The following EFCAB6 variants were observed in gnomAD, a reference collection of about 807,000 sequenced individuals.
EFCAB6 encodes EF-hand calcium binding domain 6, also known as EF-hand calcium-binding domain-containing protein 6.
EFCAB6 carries 156 observed loss-of-function variants against 169.8 expected under a neutral mutation model. The observed-to-expected ratio is 0.92, with a 90% CI of 0.81 to 1.05. The LOEUF is 1.05. EFCAB6 is among the 50% of genes least tolerant of loss of function. EFCAB6 has a pLI of 0.00. For missense variants in EFCAB6, 1,800 were observed against 1,829.1 expected (o/e 0.98, Z 0.29); for synonymous variants, 698 against 676.4 (o/e 1.03, Z -0.50).
chr22:43,735,836 ACCGTGC>A lies in EFCAB6; in HGVS notation c.644+15_644+20del. 2 of 1,611,674 alleles carry A rather than the reference ACCGTGC, an allele frequency of 1.2e-6. No homozygotes were observed. The highest frequency in any genetic ancestry group is 1.7e-6 in the Non-Finnish European group (2 of 1,179,346). On this transcript the variant is annotated intron_variant, in intron 7 of 31. Coordinates refer to ENST00000262726, the MANE Select transcript of EFCAB6 (RefSeq NM_022785.4). ...TAAAAGTTCTACTGAGCAATCTCTC[ACCGTGC>A]CTTCATTTGCTTACTTTTCGTATTC...
chr22:43,667,360 A>G, intron 16 of EFCAB6, 88 bp from the exon 17 acceptor site: 3 of 1,484,266 alleles, frequency 2.0e-6, no homozygotes, highest in Non-Finnish European at 2.7e-6. Flanking sequence ...CATGTAACCC[A>G]TGACAGTAAG....
At chr22:43,737,717 TCACA>T (rs1365508750) in intron 6 of EFCAB6, among the ~76,000 whole-genome samples, 3 of 135,848 alleles carry the variant, frequency 2.2e-5, no homozygotes, top group Non-Finnish European at 3.2e-5. Context: ...ACACCATCAC[TCACA>T]CATATATTCA....
At chr22:43,611,467 A>G (rs1034574307) in intron 21 of EFCAB6, among the ~76,000 whole-genome samples, 2 of 152,206 alleles carry the variant, frequency 1.3e-5, no homozygotes, top group East Asian at 1.9e-4. Context: ...TGAACTACCA[A>G]TGGCATTCTT....
intron 11 of EFCAB6, among the ~76,000 whole-genome samples, chr22:43,686,723 T>C (rs2147138997): frequency 6.6e-6 from 1 of 152,112 alleles, no homozygotes; most frequent in African/African-American, 2.4e-5. Flanking sequence ...AAAATGGGAA[T>C]TAACTCCATG....
Position 43,677,996 on chromosome 22 carries a change from C to T in EFCAB6, c.1419G>A (p.Arg473=), listed in dbSNP as rs1316540446. ...MFIDLIEENC[R]MRKTSPCTDA... Reference sequence around the variant, plus strand: ...AACAGGAAGTTGTTACAAAACTCACCCTACAGTTCTCTTCAATCAGATCAA... The same window carrying T: ...AACAGGAAGTTGTTACAAAACTCACTCTACAGTTCTCTTCAATCAGATCAA... The change falls in exon 13 of 32, where the codon AGG becomes AGA. Residue 473 remains arginine (R), a splice_region_variant and synonymous_variant. Transcript: ENST00000262726. The T allele has an allele frequency of 6.2e-7, 1 of 1,601,460 alleles. No individual in the cohort carries two copies. Among genetic ancestry groups the T allele is most frequent in the Admixed American group, 1.7e-5 (1 of 57,910 alleles).
intron 23 of EFCAB6, among the ~76,000 whole-genome samples, chr22:43,595,210 C>T (rs1450078264): frequency 6.6e-6 from 1 of 150,738 alleles, no homozygotes; most frequent in African/African-American, 2.4e-5. Flanking sequence ...AACAATGCAC[C>T]TCAAGAAACT....
At chr22:43,578,533 G>C (rs1342680905) in intron 25 of EFCAB6, among the ~76,000 whole-genome samples, 1 of 152,028 alleles carries the variant, frequency 6.6e-6, no homozygotes, top group Non-Finnish European at 1.5e-5. Context: ...ACACACAGAA[G>C]CTCACCTGGG....
chr22:43,725,158 T>C (rs113198392), intron 8 of EFCAB6, among the ~76,000 whole-genome samples: 1 of 112,142 alleles, frequency 8.9e-6, no homozygotes, highest in African/African-American at 3.1e-5. Flanking sequence ...TTTTTTTTTT[T>C]AGACGGAGTT....
chr22:43,711,758 T>C, intron 9 of EFCAB6, 135 bp from the exon 10 acceptor site: 1 of 1,018,380 alleles, frequency 9.8e-7, no homozygotes, highest in Non-Finnish European at 1.4e-6. Flanking sequence ...CTATGGCATG[T>C]ACTGAACTTC....
chr22:43,625,696 C>G (rs2054463087), intron 20 of EFCAB6, among the ~76,000 whole-genome samples: 1 of 152,260 alleles, frequency 6.6e-6, no homozygotes, highest in South Asian at 2.1e-4. Flanking sequence ...GGAGGAGGTT[C>G]TTGCATCTCC....
chr22:43,535,133 G>A (rs962334803), intron 29 of EFCAB6: 2 of 415,662 alleles, frequency 4.8e-6, no homozygotes, highest in African/African-American at 2.1e-5. Flanking sequence ...CAGAGACTAT[G>A]GGAGCTATGA....
chr22:43,728,247 C>CT (rs1333123838), intron 8 of EFCAB6, among the ~76,000 whole-genome samples: 2 of 152,132 alleles, frequency 1.3e-5, no homozygotes, highest in Non-Finnish European at 2.9e-5. Flanking sequence ...TGAATTCATT[C>CT]TTTTTTATGG....
In EFCAB6 at chr22:43,716,636, T is replaced by G. The variant is rs555677804; in HGVS notation, c.882+212A>C. 3.8e-4 allele frequency: 176 copies of G among 464,188 alleles called. 2 individuals are homozygous for G. The highest frequency in any genetic ancestry group is 3.3e-3 in the South Asian group (42 of 12,906). 28.8% of individuals were successfully genotyped at this position (464,188 alleles called of 1,614,324 possible). ...GTTAGTATGTGAGTAGCACAAAGGA[T>G]GTACTTAAAAATTAATTTCACATCA... is the stretch of plus-strand genomic sequence containing the variant. On this transcript the variant is annotated intron_variant, in intron 9 of 31. Coordinates refer to ENST00000262726, the MANE Select transcript of EFCAB6 (RefSeq NM_022785.4).
At position 43,537,660 on chromosome 22, in the gene EFCAB6, C is replaced by A; in HGVS notation, c.3880-115G>T. ...CACAATTTTAGAGGCAGAATTAGCC[C>A]AGAAATAAAATGAAGAATAAAACAT... is the stretch of plus-strand genomic sequence containing the variant. On this transcript the variant is annotated intron_variant, in intron 28 of 31. Transcript: ENST00000262726. This position sits in a 1 kb window ranked among gnomAD's most constrained non-coding sequence, Gnocchi z 4.3. The A allele has an allele frequency of 8.2e-7, 1 of 1,214,004 alleles. No individual in the cohort carries two copies. Among genetic ancestry groups the A allele is most frequent in the Non-Finnish European group, 1.1e-6 (1 of 898,010 alleles). 75.2% of individuals were successfully genotyped at this position (1,214,004 alleles called of 1,614,324 possible). A position where few individuals can be genotyped will look rare whatever the true frequency, so the allele number is the denominator to read the frequency against.
Position 43,755,778 on chromosome 22 carries a change from T to C in EFCAB6, c.495A>G (p.Gln165=), listed in dbSNP as rs1035415276. 6.2e-7 allele frequency: 1 copy of C among 1,607,308 alleles called. No homozygotes were observed. The highest frequency in any genetic ancestry group is 1.3e-5 in the African/African-American group (1 of 74,654). ...CCRTLRELEI[Q]VGEKVFKNIK... is the part of the protein sequence containing the mutation. ...AAATCTCTATTACCTTTTCTCCCAC[T>C]TGGATTTCAAGTTCTCTTAATGTGC... Residue 165 remains glutamine (Q), a synonymous_variant, in exon 6 of 32, where the codon CAA becomes CAG. Transcript: ENST00000262726.
At chr22:43,600,337 A>T in intron 22 of EFCAB6, 74 bp from the exon 23 acceptor site, 2 of 1,456,824 alleles carry the variant, frequency 1.4e-6, no homozygotes, top group Non-Finnish European at 1.9e-6. Flanking sequence ...GGTTTGGAAA[A>T]TGCCTGCACC....
chr22:43,793,533 C>A (rs2062387434), intron 2 of EFCAB6, among the ~76,000 whole-genome samples: 1 of 142,862 alleles, frequency 7.0e-6, no homozygotes, highest in Admixed American at 6.9e-5. Context: ...GAAATATAAC[C>A]CACCCTGACC....
At chr22:43,548,119 G>A (rs541725137) in intron 27 of EFCAB6, among the ~76,000 whole-genome samples, 4 of 151,990 alleles carry the variant, frequency 2.6e-5, no homozygotes, top group East Asian at 1.9e-4. Context: ...TAAATAAAAC[G>A]ATATAAAAGA....
chr22:43,575,358 G>GTTTTTTTTTTT (rs34543550), intron 26 of EFCAB6, among the ~76,000 whole-genome samples: 4 of 104,816 alleles, frequency 3.8e-5, no homozygotes, highest in Middle Eastern at 5.4e-3. Context: ...ATCCGGCTAT[G>GTTTTTTTTTTT]TTTTTTTTTT....
Sources: gnomAD v4.1 joint callset for allele counts (sites outside exome capture counted in the v4.1 genomes callset) on GRCh38, gnomAD v4.1.1 for gene constraint, Gnocchi (gnomAD v3.1) non-coding constraint, MANE v1.5 for transcripts, NCBI Gene and HGNC (gene_info 2026-07-23, HGNC 2026-07-21) for gene names.